Variants in DYNC1LI1 observed in about 807,000 individuals in gnomAD.
DYNC1LI1 encodes the protein cytoplasmic dynein 1 light intermediate chain 1.
In DYNC1LI1, 19 loss-of-function variants were observed where a neutral mutation model predicts 63.8. The ratio of observed to expected loss-of-function variants is 0.30; its 90% CI spans 0.21 to 0.44. DYNC1LI1 has a LOEUF of 0.44. Ranked by LOEUF, DYNC1LI1 falls within the 20% of genes least tolerant of loss-of-function variation. The probability of loss-of-function intolerance (pLI) is 1.00; values close to 1 mark genes in which losing one functional copy is unlikely to be tolerated. For missense variants in DYNC1LI1, 565 were observed against 630.2 expected (o/e 0.90, Z 1.11); for synonymous variants, 225 against 232.3 (o/e 0.97, Z 0.28).
chr3:32,546,803 G>T (rs1697960911), intron 2 of DYNC1LI1, among the ~76,000 whole-genome samples: 1 of 152,036 alleles, frequency 6.6e-6, no homozygotes, highest in African/African-American at 2.4e-5. Context: ...CAGGAGAGAT[G>T]GTGAGAAAAT....
At chr3:32,568,613 T>TA (rs955028612) in intron 2 of DYNC1LI1, among the ~76,000 whole-genome samples, 133 of 149,046 alleles carry the variant, frequency 8.9e-4, no homozygotes, top group Admixed American at 1.2e-3. Context: ...AAAGGGGTGT[T>TA]AAAAAAAAAA....
At chr3:32,557,544 A>G (rs1204590465) in intron 2 of DYNC1LI1, among the ~76,000 whole-genome samples, 1 of 151,980 alleles carries the variant, frequency 6.6e-6, no homozygotes, top group Non-Finnish European at 1.5e-5. Flanking sequence ...ATAAATAAAA[A>G]TAAAATAAAA....
chr3:32,566,772 T>A (rs1698266080), intron 2 of DYNC1LI1: 1 of 418,010 alleles, frequency 2.4e-6, no homozygotes, highest in Non-Finnish European at 4.7e-6. Flanking sequence ...AAAAAACAAA[T>A]ATAATCAATT....
At chr3:32,557,987 C>T (rs1223739695) in intron 2 of DYNC1LI1, among the ~76,000 whole-genome samples, 1 of 152,098 alleles carries the variant, frequency 6.6e-6, no homozygotes, top group African/African-American at 2.4e-5. Flanking sequence ...TGTTTATATA[C>T]TAAATTTTCT....
chr3:32,548,570 G>C (rs1032426905), intron 2 of DYNC1LI1, among the ~76,000 whole-genome samples: 9 of 152,180 alleles, frequency 5.9e-5, no homozygotes, highest in Non-Finnish European at 1.2e-4. Flanking sequence ...CACAACAGTA[G>C]TTACCGGGGA....
intron 2 of DYNC1LI1, among the ~76,000 whole-genome samples, chr3:32,551,821 A>T (rs540767753): frequency 1.4e-4 from 22 of 152,172 alleles, no homozygotes; most frequent in African/African-American, 5.1e-4. Context: ...TTTTTTGCAG[A>T]CTGCTCTTCT....
chr3:32,566,559 G>A, intron 2 of DYNC1LI1: 1 of 257,160 alleles, frequency 3.9e-6, no homozygotes, highest in Middle Eastern at 1.6e-3. Context: ...TGACCAACAT[G>A]GAGAAACTGT....
chr3:32,540,974 A>G (rs1697872238), intron 5 of DYNC1LI1, 63 bp downstream of exon 5: 1 of 1,359,052 alleles, frequency 7.4e-7, no homozygotes, highest in Admixed American at 2.5e-5. Context: ...AAAACCTGGA[A>G]AACAAAACAG....
intron 5 of DYNC1LI1, among the ~76,000 whole-genome samples, chr3:32,537,982 A>ATATT (rs1553617915): frequency 5.8e-5 from 2 of 34,300 alleles, no homozygotes; most frequent in African/African-American, 1.3e-4. Context: ...ATTTATATAT[A>ATATT]ATATATATAT....
At chr3:32,550,979 TAAAAAAAATTTTAACAGCAAATTAA>T (rs1698029948) in intron 2 of DYNC1LI1, among the ~76,000 whole-genome samples, 1 of 148,624 alleles carries the variant, frequency 6.7e-6, no homozygotes, top group Non-Finnish European at 1.5e-5. Context: ...TTTAAATGTG[TAAAAAAAATTTTAACAGCAAATTAA>T]AAAAAAAAAA....
At chr3:32,532,823 ATCC>A (rs1302504166) in intron 8 of DYNC1LI1, 160 bp downstream of exon 8, 3 of 1,234,212 alleles carry the variant, frequency 2.4e-6, no homozygotes, top group East Asian at 6.4e-5. Context: ...GCTAAAACAA[ATCC>A]TTATGTAAAC....
At chr3:32,546,702 G>A (rs1477199405) in intron 2 of DYNC1LI1, among the ~76,000 whole-genome samples, 2 of 152,124 alleles carry the variant, frequency 1.3e-5, no homozygotes, top group African/African-American at 4.8e-5. Context: ...GCCAATCAAG[G>A]GGGAAGGATG....
chr3:32,541,066 C>A lies in DYNC1LI1; in HGVS notation c.709G>T (p.Gly237Cys). ...LGADTLTHNL[G>C]IPVLVVCTKC... The stretch of plus-strand genomic sequence containing the variant: ...GTGCAAACTACTAGTACTGGAATGC[C>A]CAAGTTATGTGTAAGTGTATCCGCA... The change falls in exon 5 of 13, where the codon GGC becomes TGC. Residue 237 changes from glycine to cysteine, a missense_variant. Coordinates refer to ENST00000273130, the MANE Select transcript of DYNC1LI1 (RefSeq NM_016141.4). 1.2e-6 allele frequency: 2 copies of A among 1,611,802 alleles called. No homozygotes were observed. Among genetic ancestry groups the A allele is most frequent in the Non-Finnish European group, 1.7e-6 (2 of 1,178,990 alleles).
Position 32,570,489 on chromosome 3 carries a change from T to G in DYNC1LI1, c.147-70A>C, listed in dbSNP as rs982708912. ...CAGCGCGGGAGGGACGGACCCGGCC[T>G]CGGCGCGCCGGGGATGGGGCTGCCG... On this transcript the variant is annotated intron_variant, in intron 1 of 12. Transcript: ENST00000273130. The G allele has an allele frequency of 1.2e-5, 18 of 1,487,456 alleles. No homozygotes were observed. The African/African-American group carries it at 2.5e-4, about 21-fold the overall frequency. 92.1% of individuals were successfully genotyped at this position (1,487,456 alleles called of 1,614,324 possible).
intron 2 of DYNC1LI1, among the ~76,000 whole-genome samples, chr3:32,557,865 T>G (rs1448448073): frequency 6.6e-6 from 1 of 152,158 alleles, no homozygotes; most frequent in East Asian, 1.9e-4. Context: ...AAACATACAA[T>G]TACGCAAGTA....
intron 2 of DYNC1LI1, among the ~76,000 whole-genome samples, chr3:32,561,002 CAAAAAAAAAAAAAAAAAAAA>C (rs59037467): frequency 3.8e-5 from 1 of 26,112 alleles, no homozygotes; most frequent in Non-Finnish European, 7.1e-5. Context: ...AACTCCGTCT[CAAAAAAAAAAAAAAAAAAAA>C]AAAAAAAAAA....
chr3:32,532,482 T>TGG (rs1697711938), intron 8 of DYNC1LI1: 1 of 107,806 alleles, frequency 9.3e-6, no homozygotes, highest in African/African-American at 4.1e-5. Flanking sequence ...AAAAAAAAAA[T>TGG]GTGTGTATAT....
intron 12 of DYNC1LI1, among the ~76,000 whole-genome samples, chr3:32,527,890 G>A (rs1420145950): frequency 1.3e-5 from 2 of 151,994 alleles, no homozygotes; most frequent in African/African-American, 2.4e-5. Flanking sequence ...GGAGGCTGAG[G>A]TGGGAGGATC....
intron 2 of DYNC1LI1, among the ~76,000 whole-genome samples, chr3:32,548,122 A>T (rs1394647988): frequency 6.6e-6 from 1 of 152,006 alleles, no homozygotes; most frequent in Non-Finnish European, 1.5e-5. Flanking sequence ...GTTCATCATT[A>T]TGTTAAATCA....
Sources: gnomAD v4.1 joint callset for allele counts (sites outside exome capture counted in the v4.1 genomes callset) on GRCh38, gnomAD v4.1.1 for gene constraint, MANE v1.5 for transcripts, NCBI Gene and HGNC (gene_info 2026-07-23, HGNC 2026-07-21) for gene names.